Variants in TTC28 observed in about 807,000 individuals in gnomAD.
TTC28 encodes tetratricopeptide repeat domain 28, also known as tetratricopeptide repeat protein 28.
Under a neutral mutation model 198.0 loss-of-function variants are expected in TTC28, and 61 were observed. The ratio of observed to expected loss-of-function variants is 0.31; its 90% CI spans 0.25 to 0.38. TTC28 has a LOEUF of 0.38. Ranked by LOEUF, TTC28 falls within the 10% of genes least tolerant of loss-of-function variation. The pLI is 1.00. For missense variants in TTC28, 2,678 were observed against 3,164.0 expected (o/e 0.85, Z 3.69); for synonymous variants, 1,171 against 1,297.8 (o/e 0.90, Z 2.10).
chr22:28,387,902 G>T lies in TTC28; in HGVS notation c.382-81259C>A, dbSNP rs1250439713. Reference sequence around the variant, plus strand: ...GGTTGCCATTGCTTTTGGTGTTTTAGACACGAAGTCCTTACCCATGCCTAT... The same window carrying T: ...GGTTGCCATTGCTTTTGGTGTTTTATACACGAAGTCCTTACCCATGCCTAT... On this transcript the variant is annotated intron_variant, in intron 2 of 22. Transcript: ENST00000397906. Among the ~76,000 whole-genome samples the T allele has an allele frequency of 2.0e-5, 3 of 152,332 alleles. No homozygotes were observed. The South Asian group carries it at 6.2e-4, about 32-fold the overall frequency.
rs553852602 is a variant in TTC28 at position 28,372,335 on chromosome 22, T to C, written c.382-65692A>G. Reference sequence around the variant, plus strand: ...CAGAGTAAATATGTAGTAATTTCACTACAGGATATTTTTATTAAACAGCCA... The same window carrying C: ...CAGAGTAAATATGTAGTAATTTCACCACAGGATATTTTTATTAAACAGCCA... On this transcript the variant is annotated intron_variant, in intron 2 of 22. Coordinates refer to ENST00000397906, the MANE Select transcript of TTC28 (RefSeq NM_001145418.2). Among the ~76,000 whole-genome samples, 12 of 152,302 alleles carry C rather than the reference T, an allele frequency of 7.9e-5. 1 individual carries two copies. The highest frequency in any genetic ancestry group is 2.9e-4 in the African/African-American group (12 of 41,566).
chr22:28,274,628 T>C (rs1245250709), intron 5 of TTC28, among the ~76,000 whole-genome samples: 1 of 152,164 alleles, frequency 6.6e-6, no homozygotes, highest in Non-Finnish European at 1.5e-5. Context: ...AGAAAGATTG[T>C]TTCTTAAGAG....
At chr22:28,408,160 A>G (rs2047028442) in intron 2 of TTC28, among the ~76,000 whole-genome samples, 1 of 150,452 alleles carries the variant, frequency 6.6e-6, no homozygotes, top group African/African-American at 2.4e-5. Flanking sequence ...CACAGGACTG[A>G]AAAAAAAACA....
At chr22:28,477,492 T>TA (rs140989815) in intron 2 of TTC28, among the ~76,000 whole-genome samples, 4 of 151,836 alleles carry the variant, frequency 2.6e-5, no homozygotes, top group Admixed American at 6.6e-5. Flanking sequence ...AATTCTCTTT[T>TA]AAAAAAAATA....
At chr22:28,595,664 G>A (rs762615002) in intron 2 of TTC28, among the ~76,000 whole-genome samples, 3 of 152,112 alleles carry the variant, frequency 2.0e-5, no homozygotes, top group Admixed American at 6.5e-5. Context: ...AGTGACTCAC[G>A]CCTGTAATCA....
intron 12 of TTC28, among the ~76,000 whole-genome samples, chr22:28,088,494 C>T (rs1320689804): frequency 1.3e-5 from 2 of 151,564 alleles, no homozygotes; most frequent in South Asian, 4.2e-4. Context: ...CTTCCTTACA[C>T]CTTATACAAA....
At chr22:28,219,461 T>G (rs1237165525) in intron 5 of TTC28, among the ~76,000 whole-genome samples, 1 of 150,630 alleles carries the variant, frequency 6.6e-6, no homozygotes, top group African/African-American at 2.5e-5. Context: ...TGAGCCAAGA[T>G]CGCACCATTG....
At chr22:28,387,174 C>G (rs1288940306) in intron 2 of TTC28, among the ~76,000 whole-genome samples, 3 of 152,180 alleles carry the variant, frequency 2.0e-5, no homozygotes, top group Non-Finnish European at 4.4e-5. Context: ...GACGTGAACT[C>G]ATCATTTTTT....
chr22:28,478,132 G>T (rs1195866253), intron 2 of TTC28, among the ~76,000 whole-genome samples: 1 of 152,190 alleles, frequency 6.6e-6, no homozygotes, highest in East Asian at 1.9e-4. Context: ...ACAAGTGGAA[G>T]TTTAAACATA....
At chr22:28,445,861 TACACAC>T (rs111302565) in intron 2 of TTC28, among the ~76,000 whole-genome samples, 11 of 146,850 alleles carry the variant, frequency 7.5e-5, no homozygotes, top group East Asian at 4.0e-4. Context: ...TACATATCTA[TACACAC>T]ACACACACAC....
intron 2 of TTC28, among the ~76,000 whole-genome samples, chr22:28,403,278 A>C (rs887736659): frequency 1.5e-4 from 23 of 152,158 alleles, no homozygotes; most frequent in African/African-American, 5.6e-4. Flanking sequence ...ACATGGAAAA[A>C]CGATTGGTCC....
intron 4 of TTC28, 73 bp from the exon 5 acceptor site, chr22:28,296,401 C>T (rs2044897016): frequency 8.1e-7 from 1 of 1,231,414 alleles, no homozygotes. Context: ...ATATAATGGT[C>T]ATCTTAATTT....
intron 2 of TTC28, among the ~76,000 whole-genome samples, chr22:28,579,895 C>T (rs1397444851): frequency 6.6e-6 from 1 of 151,800 alleles, no homozygotes; most frequent in African/African-American, 2.4e-5. Flanking sequence ...ACTTGAACCC[C>T]GGAGACAGAA....
chr22:28,162,114 A>G (rs1340774948), intron 6 of TTC28, among the ~76,000 whole-genome samples: 2 of 152,196 alleles, frequency 1.3e-5, no homozygotes, highest in African/African-American at 4.8e-5. Context: ...TTATGTACCC[A>G]CATCTGTTTG....
intron 12 of TTC28, among the ~76,000 whole-genome samples, chr22:28,084,196 A>G (rs540096271): frequency 1.3e-5 from 2 of 152,326 alleles, no homozygotes; most frequent in African/African-American, 4.8e-5. Flanking sequence ...GAGATCTGAG[A>G]AAGGGCAGAC....
chr22:28,092,664 G>A (rs1017147663), intron 12 of TTC28, among the ~76,000 whole-genome samples: 4 of 152,176 alleles, frequency 2.6e-5, no homozygotes, highest in Non-Finnish European at 4.4e-5. Context: ...TCTGTCTGCC[G>A]AAGCAGCTTT....
chr22:28,409,615 A>G (rs2047051217), intron 2 of TTC28, among the ~76,000 whole-genome samples: 1 of 150,016 alleles, frequency 6.7e-6, no homozygotes, highest in Non-Finnish European at 1.5e-5. Flanking sequence ...ACATATGTGT[A>G]TATATAATTC....
chr22:28,101,251 T>G lies in TTC28; in HGVS notation c.3337A>C (p.Arg1113=). ...TGGCGAATTTTTGCCTCATCTTCTC[T>G]TCGGCCCAGTTGCTCAGCTAACCTT... ...GLRLAEQLGR[R]EDEAKIRHGL... is the part of the protein sequence containing the mutation. The change falls in exon 9 of 23, where the codon AGA becomes CGA. Residue 1113 remains arginine, a synonymous_variant. Transcript: ENST00000397906. 1 of 1,551,656 alleles carries G rather than the reference T, an allele frequency of 6.4e-7. No individual in the cohort carries two copies. Among genetic ancestry groups the G allele is most frequent in the Non-Finnish European group, 8.7e-7 (1 of 1,146,930 alleles).
chr22:28,397,345 A>G (rs1423548450), intron 2 of TTC28, among the ~76,000 whole-genome samples: 1 of 152,218 alleles, frequency 6.6e-6, no homozygotes, highest in African/African-American at 2.4e-5. Flanking sequence ...TCCTCACTTA[A>G]CAGGTGAAAA....
Sources: allele counts gnomAD v4.1 joint callset (sites outside exome capture counted in the v4.1 genomes callset), GRCh38; gene constraint gnomAD v4.1.1; transcripts MANE v1.5; gene names NCBI Gene and HGNC (gene_info 2026-07-23, HGNC 2026-07-21).